Variants in TANC1 observed in about 807,000 individuals in gnomAD.
The protein encoded by TANC1 is tetratricopeptide repeat, ankyrin repeat and coiled-coil containing 1.
Under a neutral mutation model 149.7 loss-of-function variants are expected in TANC1, and 77 were observed. The ratio of observed to expected loss-of-function variants is 0.51; its 90% CI spans 0.43 to 0.62. The LOEUF is 0.62. Ranked by LOEUF, TANC1 falls within the 20% of genes least tolerant of loss-of-function variation. The pLI is 0.00. For synonymous variants in TANC1, 854 were observed against 925.0 expected (o/e 0.92, Z 1.39); for missense variants, 1,985 against 2,321.8 (o/e 0.85, Z 2.98).
chr2:159,076,186 C>T (rs144491115), intron 3 of TANC1, among the ~76,000 whole-genome samples: 3,400 of 152,112 alleles, frequency 0.022, 58 homozygotes, highest in Non-Finnish European at 0.032. Flanking sequence ...CTTCCCTTTT[C>T]CTAATCTGGC....
chr2:159,003,405 G>C (rs184296733), intron 2 of TANC1, among the ~76,000 whole-genome samples: 2 of 152,292 alleles, frequency 1.3e-5, no homozygotes, highest in African/African-American at 4.8e-5. Context: ...AGGATGCTTA[G>C]GAACAGGATT....
chr2:159,207,697 CAAAAAAAAAAAAAAAAA>C, intron 19 of TANC1, among the ~76,000 whole-genome samples: 1 of 49,432 alleles, frequency 2.0e-5, no homozygotes, highest in African/African-American at 1.2e-4. Flanking sequence ...ACACGTGTCT[CAAAAAAAAAAAAAAAAA>C]AAAAAAAAAA....
chr2:158,990,699 G>A (rs1354282655), intron 1 of TANC1, among the ~76,000 whole-genome samples: 8 of 152,194 alleles, frequency 5.3e-5, no homozygotes, highest in African/African-American at 1.9e-4. Flanking sequence ...ACAGTGTGAA[G>A]TAGGAATTCC....
At chr2:159,164,218 T>C (rs184797529) in intron 8 of TANC1, among the ~76,000 whole-genome samples, 1 of 152,240 alleles carries the variant, frequency 6.6e-6, no homozygotes, top group Non-Finnish European at 1.5e-5. Context: ...TCTATAGTTC[T>C]ACATCTATGG....
chr2:159,201,470 A>G (rs2058242940), intron 19 of TANC1, among the ~76,000 whole-genome samples: 1 of 152,214 alleles, frequency 6.6e-6, no homozygotes. Flanking sequence ...ACTTCAAGCC[A>G]TGGGCCCCGG....
intron 19 of TANC1, among the ~76,000 whole-genome samples, chr2:159,202,661 A>G (rs2058327128): frequency 6.6e-6 from 1 of 152,156 alleles, no homozygotes; most frequent in Non-Finnish European, 1.5e-5. Flanking sequence ...AGCTCAGAGC[A>G]GATGATGAAT....
intron 2 of TANC1, chr2:159,027,010 C>A (rs1439597811): frequency 2.0e-5 from 3 of 152,058 alleles, no homozygotes; most frequent in African/African-American, 7.3e-5. Context: ...CTCTCCTGAA[C>A]ACACTTTTTC....
At chr2:159,048,745 C>T (rs1213307947) in intron 2 of TANC1, among the ~76,000 whole-genome samples, 1 of 152,172 alleles carries the variant, frequency 6.6e-6, no homozygotes, top group Admixed American at 6.5e-5. Flanking sequence ...ATATGATCTA[C>T]AAAAATCATA....
At chr2:159,102,280 G>T (rs1289104782) in intron 4 of TANC1, among the ~76,000 whole-genome samples, 2 of 151,992 alleles carry the variant, frequency 1.3e-5, no homozygotes, top group East Asian at 3.9e-4. Flanking sequence ...TGTCACTTAA[G>T]TTTTTTTTAT....
At chr2:159,049,454 GAC>G (rs1307580105) in intron 2 of TANC1, among the ~76,000 whole-genome samples, 1 of 152,184 alleles carries the variant, frequency 6.6e-6, no homozygotes, top group East Asian at 1.9e-4. Context: ...TGGGAGTGTG[GAC>G]CATGAGGGAC....
chr2:159,037,353 C>T lies in TANC1; in HGVS notation c.-15-28543C>T, dbSNP rs527578981. Among the ~76,000 whole-genome samples, 18 of 152,236 alleles carry T rather than the reference C, an allele frequency of 1.2e-4. No individual in the cohort carries two copies. The South Asian group carries it at 3.7e-3, about 32-fold the overall frequency. ...GGTAGTTTCTTTTGCTGTGCAGAAG[C>T]TCTTTAGTTTAATTAGATCCCATTT... On this transcript the variant is annotated intron_variant, in intron 2 of 26. Transcript: ENST00000263635.
intron 2 of TANC1, among the ~76,000 whole-genome samples, chr2:159,004,501 C>T (rs1205865311): frequency 7.2e-6 from 1 of 139,044 alleles, no homozygotes; most frequent in Non-Finnish European, 1.5e-5. Flanking sequence ...TTTGCACTTC[C>T]TCCCAGGATT....
Position 159,067,486 on chromosome 2 carries a change from G to A in TANC1, c.61+1515G>A, listed in dbSNP as rs539388582. ...AGAATTGTTACTCTGGAGAAATTTC[G>A]TTCACAGAATTTCCATCCAGGGGGA... On this transcript the variant is annotated intron_variant, in intron 3 of 26. Transcript: ENST00000263635. Among the ~76,000 whole-genome samples the A allele has an allele frequency of 7.2e-5, 11 of 152,304 alleles. No homozygotes were observed. In the South Asian group the frequency reaches 1.7e-3, roughly 23 times the overall value.
chr2:159,045,371 G>C (rs264576), intron 2 of TANC1, among the ~76,000 whole-genome samples: 15,206 of 152,208 alleles, frequency 0.1, 1,147 homozygotes, highest in South Asian at 0.32. Flanking sequence ...GGCGGAGGTT[G>C]CAGTGAGCCG....
At chr2:159,092,355 A>G (rs888185246) in intron 3 of TANC1, among the ~76,000 whole-genome samples, 8 of 151,972 alleles carry the variant, frequency 5.3e-5, no homozygotes, top group African/African-American at 1.9e-4. Flanking sequence ...GCTGCACTCT[A>G]TGTACTTTAA....
chr2:159,058,949 G>A (rs114741607), intron 2 of TANC1, among the ~76,000 whole-genome samples: 1,903 of 152,280 alleles, frequency 0.012, 28 homozygotes, highest in Middle Eastern at 0.061. Context: ...TGGTGCATCA[G>A]AACTTAAGCA....
rs556283020 is a variant in TANC1, at chr2:159,180,013, C to A, written c.2510+850C>A. ...GGGCTGGCAAGCTGCTCAGCTGACC[C>A]CTTAGGCATTTGACCAGATGCTGGG... On this transcript the variant is annotated intron_variant, in intron 14 of 26. Transcript: ENST00000263635. Among the ~76,000 whole-genome samples, 257 of 152,292 alleles carry A rather than the reference C, an allele frequency of 1.7e-3. 5 individuals carry two copies. The highest frequency in any genetic ancestry group is 1.2e-3 in the East Asian group (6 of 5,178).
At chr2:158,983,481 A>C (rs1177151039) in intron 1 of TANC1, among the ~76,000 whole-genome samples, 2 of 151,492 alleles carry the variant, frequency 1.3e-5, no homozygotes, top group Non-Finnish European at 2.9e-5. Flanking sequence ...AAAAAAAAAA[A>C]AAAAAACACC....
chr2:159,097,935 T>C, intron 4 of TANC1, 101 bp downstream of exon 4: 1 of 1,072,712 alleles, frequency 9.3e-7, no homozygotes, highest in Non-Finnish European at 1.4e-6. Flanking sequence ...GACAATGTTT[T>C]TTCTTTGTCG....
Sources: allele counts gnomAD v4.1 joint callset (sites outside exome capture counted in the v4.1 genomes callset), GRCh38; gene constraint gnomAD v4.1.1; transcripts MANE v1.5; gene names NCBI Gene and HGNC (gene_info 2026-07-23, HGNC 2026-07-21).